ERBB4: variants seen among roughly 807,000 people sequenced by gnomAD.
ERBB4 encodes the protein erb-b2 receptor tyrosine kinase 4.
Under a neutral mutation model 158.0 loss-of-function variants are expected in ERBB4, and 42 were observed. The observed-to-expected ratio is 0.27, with a 90% CI of 0.21 to 0.34. The LOEUF (loss-of-function observed/expected upper bound fraction) is 0.34, where lower values mean the gene tolerates loss of function less well. Among genes scored for constraint, ERBB4 ranks in the 10% least tolerant of loss-of-function variants. The pLI is 1.00. For synonymous variants in ERBB4, 583 were observed against 558.7 expected, an observed-to-expected ratio of 1.04 and a Z score of -0.61; for missense variants, 1,333 against 1,624.1, an observed-to-expected ratio of 0.82 and a Z score of 3.08.
At chr2:212,292,339 T>C (rs1018444054) in intron 1 of ERBB4, among the ~76,000 whole-genome samples, 2 of 152,022 alleles carry the variant, frequency 1.3e-5, no homozygotes, top group Non-Finnish European at 2.9e-5. Flanking sequence ...AGAAGTGAAA[T>C]ATTTTGCTAA....
chr2:212,054,035 C>T (rs1192092672), intron 2 of ERBB4, among the ~76,000 whole-genome samples: 6 of 152,056 alleles, frequency 3.9e-5, no homozygotes, highest in East Asian at 1.9e-4. Flanking sequence ...GAGGCCGTGG[C>T]GTCTACAGAA....
In ERBB4 at chr2:211,508,933, A is replaced by G. The variant is rs575098778; in HGVS notation, c.2487+52970T>C. Reference sequence around the variant, plus strand: ...TGACAGAGCGAGACTGTCTCAAAAAACAAACAAACAAAAAAACAAAACAAA... The same window carrying G: ...TGACAGAGCGAGACTGTCTCAAAAAGCAAACAAACAAAAAAACAAAACAAA... On this transcript the variant is annotated intron_variant, in intron 20 of 27. Coordinates refer to ENST00000342788, the MANE Select transcript of ERBB4 (RefSeq NM_005235.3). 1.7e-3 allele frequency among the ~76,000 whole-genome samples: 222 copies of G among 129,652 alleles called. 1 individual carries two copies. The highest frequency in any genetic ancestry group is 6.4e-3 in the African/African-American group (217 of 33,838). The allele number at this position is 129,652 out of a possible 152,430, so 85.1% of individuals were successfully genotyped here. A position where few individuals can be genotyped will look rare whatever the true frequency, so the allele number is the denominator to read the frequency against.
intron 4 of ERBB4, among the ~76,000 whole-genome samples, chr2:211,771,051 T>A (rs2075679391): frequency 6.6e-6 from 1 of 152,214 alleles, no homozygotes; most frequent in Admixed American, 6.5e-5. Flanking sequence ...TTGCTAATCA[T>A]TTTACCATCA....
At chr2:211,735,670 A>G (rs190008125) in intron 5 of ERBB4, among the ~76,000 whole-genome samples, 42 of 152,266 alleles carry the variant, frequency 2.8e-4, no homozygotes, top group African/African-American at 1.0e-3. Flanking sequence ...AATGAAAACT[A>G]AGATATTACT....
At chr2:211,732,190 T>C (rs13026255) in intron 5 of ERBB4, among the ~76,000 whole-genome samples, 43,275 of 152,024 alleles carry the variant, frequency 0.28, 7,185 homozygotes, top group Non-Finnish European at 0.37. Context: ...CATATTAAAT[T>C]GCAGAAGAAA....
chr2:212,164,254 T>C (rs2081283348), intron 1 of ERBB4, among the ~76,000 whole-genome samples: 1 of 151,826 alleles, frequency 6.6e-6, no homozygotes. Flanking sequence ...CTATTAAGTA[T>C]AAGATATACA....
intron 5 of ERBB4, among the ~76,000 whole-genome samples, chr2:211,749,515 TGG>T (rs74436564): frequency 0.23 from 34,842 of 151,736 alleles, 4,284 homozygotes; most frequent in Non-Finnish European, 0.29. Context: ...GGGACCCACG[TGG>T]GAAGATACTA....
rs114835815 is a variant in ERBB4 at position 211,950,441 on chromosome 2, T to C, written c.235-2825A>G. Among the ~76,000 whole-genome samples, 1,321 of 152,298 alleles carry C rather than the reference T, an allele frequency of 8.7e-3. 14 individuals carry two copies. The highest frequency in any genetic ancestry group is 0.048 in the South Asian group (231 of 4,832). The stretch of plus-strand genomic sequence containing the variant: ...GAGGACTCCAAAAGTTCTAACATTG[T>C]ACCTGGCCATCCAGGTTGTTATAAA... On this transcript the variant is annotated intron_variant, in intron 2 of 27. Coordinates refer to ENST00000342788, the MANE Select transcript of ERBB4 (RefSeq NM_005235.3).
chr2:212,013,485 T>C (rs2076439470), intron 2 of ERBB4, among the ~76,000 whole-genome samples: 1 of 152,178 alleles, frequency 6.6e-6, no homozygotes, highest in African/African-American at 2.4e-5. Context: ...AAACTATTAA[T>C]GTGAATGAAT....
In ERBB4 at chr2:211,852,702, C is replaced by CTT. The variant is rs11435561; in HGVS notation, c.422-64545_422-64544dup. 9.8e-4 allele frequency among the ~76,000 whole-genome samples: 142 copies of CTT among 145,254 alleles called. 2 individuals are homozygous for CTT. In the South Asian group the frequency reaches 0.019, roughly 19 times the overall value. On this transcript the variant is annotated intron_variant, in intron 3 of 27. Coordinates refer to ENST00000342788, the MANE Select transcript of ERBB4 (RefSeq NM_005235.3). ...TCCACTCTTCAATAGATACACAAAA[C>CTT]TTTTTTTTTTCCTAATGGCCTACAT...
intron 25 of ERBB4, among the ~76,000 whole-genome samples, chr2:211,417,494 G>A (rs1041457124): frequency 6.6e-6 from 1 of 151,906 alleles, no homozygotes; most frequent in African/African-American, 2.4e-5. Flanking sequence ...AAATTTTAAG[G>A]TAATATTAAA....
intron 19 of ERBB4, among the ~76,000 whole-genome samples, chr2:211,578,634 C>A (rs1320265466): frequency 1.3e-5 from 2 of 152,058 alleles, no homozygotes; most frequent in Admixed American, 6.6e-5. Context: ...GAATAGAGGA[C>A]ACAGAAATGA....
intron 3 of ERBB4, among the ~76,000 whole-genome samples, chr2:211,919,171 T>C (rs762447010): frequency 3.3e-5 from 5 of 152,106 alleles, no homozygotes; most frequent in Non-Finnish European, 7.4e-5. Flanking sequence ...CAGCTTTTTA[T>C]GGGGCAGTTT....
At chr2:212,286,767 A>ATTTTTTTTTTTGTTTTTTTTTTTTTTTT (rs2085995883) in intron 1 of ERBB4, among the ~76,000 whole-genome samples, 1 of 39,562 alleles carries the variant, frequency 2.5e-5, no homozygotes, top group African/African-American at 1.1e-4. Flanking sequence ...ATGAGGGTTA[A>ATTTTTTTTTTTGTTTTTTTTTTTTTTTT]TTTTTTTTTT....
chr2:211,717,740 T>C (rs2073966701), intron 7 of ERBB4, among the ~76,000 whole-genome samples: 1 of 152,062 alleles, frequency 6.6e-6, no homozygotes, highest in Admixed American at 6.5e-5. Flanking sequence ...GGCAGGGGAA[T>C]CGCTTGAACC....
intron 22 of ERBB4, among the ~76,000 whole-genome samples, chr2:211,424,665 G>A (rs1307620105): frequency 6.6e-6 from 1 of 152,070 alleles, no homozygotes; most frequent in Non-Finnish European, 1.5e-5. Flanking sequence ...ATATACATAT[G>A]TATTCAGTAC....
In ERBB4 at chr2:211,977,332, G is replaced by C. The variant is rs73081349; in HGVS notation, c.235-29716C>G. Among the ~76,000 whole-genome samples, 667 of 152,078 alleles carry C rather than the reference G, an allele frequency of 4.4e-3. 9 individuals are homozygous for C. The highest frequency in any genetic ancestry group is 0.015 in the African/African-American group (636 of 41,488). ...AAAAAGAACATGAGACTGTCAGAAAGAAAGATGATGAAGTAGTCTTGTGTA... is the reference window on the plus strand; with the variant it reads ...AAAAAGAACATGAGACTGTCAGAAACAAAGATGATGAAGTAGTCTTGTGTA... On this transcript the variant is annotated intron_variant, in intron 2 of 27. Coordinates refer to ENST00000342788, the MANE Select transcript of ERBB4 (RefSeq NM_005235.3).
chr2:211,586,358 A>C (rs1473005139), intron 19 of ERBB4, among the ~76,000 whole-genome samples: 1 of 152,308 alleles, frequency 6.6e-6, no homozygotes, highest in South Asian at 2.1e-4. Context: ...GTTAAGAAAA[A>C]CCATAGATAT....
intron 20 of ERBB4, among the ~76,000 whole-genome samples, chr2:211,523,078 GA>G: frequency 6.7e-6 from 1 of 149,884 alleles, no homozygotes; most frequent in South Asian, 2.2e-4. Context: ...ACACTGGATA[GA>G]ATGAAAGGGG....
Sources: allele counts gnomAD v4.1 joint callset (sites outside exome capture counted in the v4.1 genomes callset), GRCh38; gene constraint gnomAD v4.1.1; transcripts MANE v1.5; gene names NCBI Gene and HGNC (gene_info 2026-07-23, HGNC 2026-07-21).